Variants in DSC3 observed in about 807,000 individuals in gnomAD.
The protein encoded by DSC3 is desmocollin 3, also known as desmocollin-3.
In DSC3, 97 loss-of-function variants were observed where a neutral mutation model predicts 89.5. The observed-to-expected ratio is 1.08, with a 90% CI of 0.92 to 1.28. The LOEUF (loss-of-function observed/expected upper bound fraction) is 1.28, where lower values mean the gene tolerates loss of function less well. Ranked by LOEUF, DSC3 falls within the 50% of genes most tolerant of loss-of-function variation. The pLI, the probability that DSC3 is intolerant of heterozygous loss-of-function variation, is 0.00. For missense variants in DSC3, 1,199 were observed against 1,085.3 expected (o/e 1.10, Z -1.47); for synonymous variants, 436 against 384.1 (o/e 1.14, Z -1.58).
chr18:31,007,176 CAT>C, intron 11 of DSC3, 45 bp from the exon 12 acceptor site: 1 of 1,453,066 alleles, frequency 6.9e-7, no homozygotes, highest in Non-Finnish European at 9.6e-7. Context: ...AAAATTCTTT[CAT>C]AGTTTCTTAA....
At chr18:31,021,321 C>T (rs537767900) in intron 7 of DSC3, among the ~76,000 whole-genome samples, 6 of 152,126 alleles carry the variant, frequency 3.9e-5, no homozygotes, top group Non-Finnish European at 7.4e-5. Flanking sequence ...CTACAAACTC[C>T]ACAGATACAA....
Position 31,005,516 on chromosome 18 carries a change from C to T in DSC3, c.1889-1150G>A, listed in dbSNP as rs146645089. The stretch of plus-strand genomic sequence containing the variant: ...GCCTGGCACACAAGGCCCTTCACCA[C>T]CAGATGCTACCCTTCCTTCCACCCA... On this transcript the variant is annotated intron_variant, in intron 12 of 15. Coordinates refer to ENST00000360428, the MANE Select transcript of DSC3 (RefSeq NM_001941.5). 7.8e-3 allele frequency among the ~76,000 whole-genome samples: 1,190 copies of T among 152,318 alleles called. 49 individuals carry two copies. The highest frequency in any genetic ancestry group is 0.066 in the Admixed American group (1,005 of 15,288).
At position 31,018,063 on chromosome 18, in the gene DSC3, T is replaced by C; in HGVS notation, c.1263+8A>G. On this transcript the variant is annotated splice_region_variant and intron_variant, in intron 9 of 15. Coordinates refer to ENST00000360428, the MANE Select transcript of DSC3 (RefSeq NM_001941.5). ...ATTTGCTAAGTTGTCAATTATACAT[T>C]ACTGTACCTTTACAACAGAAAGAAC... is the stretch of plus-strand genomic sequence containing the variant. The C allele has an allele frequency of 6.2e-7, 1 of 1,609,370 alleles. No individual in the cohort carries two copies. The highest frequency in any genetic ancestry group is 8.5e-7 in the Non-Finnish European group (1 of 1,176,748).
rs775187201 is a variant in DSC3, at chr18:31,036,798, C to CTTTTTTTTTTTTTTTTTTTTT, written c.70-4523_70-4522insAAAAAAAAAAAAAAAAAAAAA. ...TATTTCCTTTTTGCTTTCTTTCTTC[C>CTTTTTTTTTTTTTTTTTTTTT]TTTTTTTTTTTTGAGATGGAATCTT... On this transcript the variant is annotated intron_variant, in intron 1 of 15. Transcript: ENST00000360428. Among the ~76,000 whole-genome samples, 131 of 107,334 alleles carry CTTTTTTTTTTTTTTTTTTTTT rather than the reference C, an allele frequency of 1.2e-3. 8 individuals carry two copies. The highest frequency in any genetic ancestry group is 4.2e-3 in the East Asian group (9 of 2,164). 70.4% of individuals were successfully genotyped at this position (107,334 alleles called of 152,430 possible). A position where few individuals can be genotyped will look rare whatever the true frequency, so the allele number is the denominator to read the frequency against.
chr18:31,019,338 C>G lies in DSC3; in HGVS notation c.943-538G>C, dbSNP rs376116259. 8.1e-4 allele frequency among the ~76,000 whole-genome samples: 124 copies of G among 152,248 alleles called. 1 individual carries two copies. Among genetic ancestry groups the G allele is most frequent in the African/African-American group, 2.8e-3 (115 of 41,544 alleles). On this transcript the variant is annotated intron_variant, in intron 7 of 15. Coordinates refer to ENST00000360428, the MANE Select transcript of DSC3 (RefSeq NM_001941.5). Reference sequence around the variant, plus strand: ...ACTCCCGATCTCGTGATTCACCCGCCTCGGGCTCCCAAAGTGCTAGGATTA... The same window carrying G: ...ACTCCCGATCTCGTGATTCACCCGCGTCGGGCTCCCAAAGTGCTAGGATTA...
Position 31,007,096 on chromosome 18 carries a change from T to C in DSC3, c.1699A>G (p.Ile567Val). Residue 567 changes from isoleucine (I) to valine (V), a missense_variant, in exon 12 of 16, where the codon ATT (isoleucine) becomes GTT (valine). By Grantham distance (29) the Ile-to-Val change is conservative (BLOSUM62 3). Coordinates refer to ENST00000360428, the MANE Select transcript of DSC3 (RefSeq NM_001941.5). ...GGTGGATTATCATTTACATCTTCAA[T>C]GTTCACAGCAAGTGTTCCAGTACAT... The part of the protein sequence containing the change: ...RSCTGTLAVN[I>V]EDVNDNPPEI... 6.2e-7 allele frequency: 1 copy of C among 1,613,896 alleles called. No homozygotes were observed. Among genetic ancestry groups the C allele is most frequent in the Non-Finnish European group, 8.5e-7 (1 of 1,179,854 alleles).
chr18:31,027,332 G>A (rs2144724314), intron 4 of DSC3, among the ~76,000 whole-genome samples: 1 of 152,200 alleles, frequency 6.6e-6, no homozygotes, highest in East Asian at 1.9e-4. Context: ...GTAGGCAGGT[G>A]TCTCATTTTT....
intron 1 of DSC3, among the ~76,000 whole-genome samples, chr18:31,037,757 G>A (rs186784352): frequency 1.3e-5 from 2 of 151,970 alleles, no homozygotes; most frequent in Non-Finnish European, 1.5e-5. Flanking sequence ...AAAATTAGCC[G>A]GCTGTGGTGG....
At chr18:31,000,781 G>A (rs1984625331) in intron 14 of DSC3, among the ~76,000 whole-genome samples, 1 of 151,784 alleles carries the variant, frequency 6.6e-6, no homozygotes, top group Non-Finnish European at 1.5e-5. Flanking sequence ...TGTACCTCTT[G>A]TCACCAGCCT....
At position 31,004,153 on chromosome 18, in the gene DSC3, G is replaced by A. The variant is rs1984755639; in HGVS notation, c.2102C>T (p.Ala701Val). The change falls in exon 13 of 16, where the codon GCA (alanine) becomes GTA (valine). Residue 701 changes from alanine (A) to valine (V), a missense_variant. Coordinates refer to ENST00000360428, the MANE Select transcript of DSC3 (RefSeq NM_001941.5). Reference protein sequence around the residue: ...WAILAILLGIALLFSVLLTLV... With the variant: ...WAILAILLGIVLLFSVLLTLV... ...GTGAAAATACTTACAAAAGAGCAGT[G>A]CTATACCCAGTAATATTGCAAGGAT... 2.5e-6 allele frequency: 4 copies of A among 1,610,708 alleles called. No individual in the cohort carries two copies. Among genetic ancestry groups the A allele is most frequent in the African/African-American group, 2.7e-5 (2 of 74,822 alleles).
In DSC3 at chr18:31,008,394, C is replaced by A; in HGVS notation, c.1395G>T (p.Leu465=). Residue 465 remains leucine, a synonymous_variant, in exon 10 of 16, where the codon CTG becomes CTT. Transcript: ENST00000360428. ...CAGGAGTGCATTCAGGCCCCTCATC[C>A]AGATCCCTCACATGAACTGTAACCA... is the stretch of plus-strand genomic sequence containing the variant. ...RALVTVHVRD[L]DEGPECTPAA... 6.2e-7 allele frequency: 1 copy of A among 1,614,144 alleles called. No individual in the cohort carries two copies. The highest frequency in any genetic ancestry group is 1.6e-4 in the Middle Eastern group (1 of 6,062).
At chr18:31,001,067 T>TG (rs1984637930) in intron 14 of DSC3, among the ~76,000 whole-genome samples, 1 of 120,050 alleles carries the variant, frequency 8.3e-6, no homozygotes, top group African/African-American at 3.1e-5. Flanking sequence ...ATACTTTGTG[T>TG]TTATATATAC....
At chr18:31,019,765 G>A (rs1985358615) in intron 7 of DSC3, among the ~76,000 whole-genome samples, 1 of 152,106 alleles carries the variant, frequency 6.6e-6, no homozygotes, top group Non-Finnish European at 1.5e-5. Context: ...CATGCAGCCT[G>A]AGCGACAGAG....
chr18:31,042,531 G>C, intron 1 of DSC3, 61 bp downstream of exon 1: 1 of 1,487,458 alleles, frequency 6.7e-7, no homozygotes, highest in African/African-American at 1.4e-5. Flanking sequence ...GCTCCGTGCA[G>C]CGTCCAGGGC....
rs1985320942 is a variant in DSC3 at position 31,018,786 on chromosome 18, G to A, written c.957C>T (p.Tyr319=). The A allele has an allele frequency of 1.2e-6, 2 of 1,613,646 alleles. No individual in the cohort carries two copies. The highest frequency in any genetic ancestry group is 1.7e-4 in the Middle Eastern group (1 of 6,022). Residue 319 remains tyrosine (Y), a synonymous_variant, in exon 8 of 16, where the codon TAC becomes TAT. Transcript: ENST00000360428. ...HYLDREVVDK[Y]SLIMKVQDMD... The stretch of plus-strand genomic sequence containing the variant: ...TGTCTTGTACTTTCATTATCAATGA[G>A]TACTTGTCTACAACCTGGAAACAAA...
Position 30,991,086 on chromosome 18 carries a change from A to G in DSC3, c.*3089T>C, listed in dbSNP as rs1288851324. 6.6e-6 allele frequency: 1 copy of G among 152,600 alleles called. No homozygotes were observed. The highest frequency in any genetic ancestry group is 2.4e-5 in the African/African-American group (1 of 41,470). The allele number at this position is 152,600 out of a possible 1,614,324, so 9.5% of individuals were successfully genotyped here. The stretch of plus-strand genomic sequence containing the variant: ...GAAACCAAGTTAATATTGTTTTATT[A>G]CATCTCCCCACATCTGTAAATATTA... On this transcript the variant is annotated 3_prime_UTR_variant, in exon 16 of 16. Coordinates refer to ENST00000360428, the MANE Select transcript of DSC3 (RefSeq NM_001941.5).
rs755217616 is a variant in DSC3, at chr18:31,004,281, T to C, written c.1974A>G (p.Gln658=). 1 of 1,614,084 alleles carries C rather than the reference T, an allele frequency of 6.2e-7. No individual in the cohort carries two copies. Among genetic ancestry groups the C allele is most frequent in the Non-Finnish European group, 8.5e-7 (1 of 1,179,942 alleles). Reference sequence around the variant, plus strand: ...TAACTCTCAATAATTTTGTTGCAGCTTGGCCGGCCCTGTCTTTTACAGTAA... The same window carrying C: ...TAACTCTCAATAATTTTGTTGCAGCCTGGCCGGCCCTGTCTTTTACAGTAA... ...IPITVKDRAG[Q]AATKLLRVNL... is the part of the protein sequence containing the mutation. Residue 658 remains glutamine, a synonymous_variant, in exon 13 of 16, where the codon CAA becomes CAG. Coordinates refer to ENST00000360428, the MANE Select transcript of DSC3 (RefSeq NM_001941.5).
intron 5 of DSC3, 58 bp downstream of exon 5, chr18:31,025,702 G>A: frequency 6.5e-7 from 1 of 1,529,114 alleles, no homozygotes; most frequent in African/African-American, 1.4e-5. Context: ...GCTGGAGTAA[G>A]CATCAGAAGA....
At chr18:31,014,728 C>A (rs1985177760) in intron 9 of DSC3, among the ~76,000 whole-genome samples, 2 of 152,064 alleles carry the variant, frequency 1.3e-5, no homozygotes, top group Admixed American at 1.3e-4. Flanking sequence ...TGACAAGGGG[C>A]TGCAGATGTA....
Sources: allele counts gnomAD v4.1 joint callset (sites outside exome capture counted in the v4.1 genomes callset), GRCh38; gene constraint gnomAD v4.1.1; transcripts MANE v1.5; gene names NCBI Gene and HGNC (gene_info 2026-07-23, HGNC 2026-07-21).